The following TFPI variants were observed in gnomAD, a reference collection of about 807,000 sequenced individuals.
TFPI encodes tissue factor pathway inhibitor.
TFPI carries 15 observed loss-of-function variants against 34.6 expected under a neutral mutation model. The ratio of observed to expected loss-of-function variants is 0.43; its 90% CI spans 0.29 to 0.67. The LOEUF (loss-of-function observed/expected upper bound fraction) is 0.67. Among genes scored for constraint, TFPI ranks in the 30% least tolerant of loss-of-function variants. The pLI, the probability that TFPI is intolerant of heterozygous loss-of-function variation, is 0.15. For missense variants in TFPI, 301 were observed against 364.0 expected, an observed-to-expected ratio of 0.83 and a Z score of 1.41; for synonymous variants, 105 against 120.1, an observed-to-expected ratio of 0.87 and a Z score of 0.82.
In TFPI at chr2:187,466,030, C is replaced by G. The variant is rs1691705866; in HGVS notation, c.*906G>C. On this transcript the variant is annotated 3_prime_UTR_variant, in exon 8 of 8. Coordinates refer to ENST00000233156, the MANE Select transcript of TFPI (RefSeq NM_006287.6). ...TAATTTTCTCTTCAACAGAAATAAC[C>G]TACTTTTTAAAGCATGAATTATTAG... is the stretch of plus-strand genomic sequence containing the variant. The G allele has an allele frequency of 6.6e-6, 1 of 152,124 alleles. No individual in the cohort carries two copies. Among genetic ancestry groups the G allele is most frequent in the Non-Finnish European group, 1.5e-5 (1 of 68,002 alleles). 9.4% of individuals were successfully genotyped at this position (152,124 alleles called of 1,614,324 possible).
chr2:187,480,448 C>T (rs1367326809), intron 6 of TFPI, among the ~76,000 whole-genome samples: 1 of 152,112 alleles, frequency 6.6e-6, no homozygotes, highest in Non-Finnish European at 1.5e-5. Flanking sequence ...CCTCATTTTA[C>T]ATTGGAAAGA....
chr2:187,478,899 T>TG, intron 6 of TFPI: 3 of 928,368 alleles, frequency 3.2e-6, no homozygotes, highest in Non-Finnish European at 4.9e-6. Flanking sequence ...CTATAAACTG[T>TG]ATAGTACATT....
intron 3 of TFPI, among the ~76,000 whole-genome samples, chr2:187,496,469 T>C (rs1241648723): frequency 1.3e-5 from 2 of 152,098 alleles, no homozygotes; most frequent in Admixed American, 1.3e-4. Flanking sequence ...TACTTCACAA[T>C]TCTTTGAACA....
At chr2:187,522,122 T>C (rs1687410714) in intron 1 of TFPI, among the ~76,000 whole-genome samples, 1 of 152,160 alleles carries the variant, frequency 6.6e-6, no homozygotes, top group Non-Finnish European at 1.5e-5. Context: ...TTGGAAATTA[T>C]CAGATATATG....
chr2:187,532,100 C>T (rs1420013857), intron 1 of TFPI, among the ~76,000 whole-genome samples: 1 of 151,920 alleles, frequency 6.6e-6, no homozygotes, highest in Non-Finnish European at 1.5e-5. Context: ...ACAGAATAAC[C>T]ATCAATCTGC....
chr2:187,528,118 A>G (rs1687770299), intron 1 of TFPI, among the ~76,000 whole-genome samples: 1 of 152,118 alleles, frequency 6.6e-6, no homozygotes, highest in South Asian at 2.1e-4. Flanking sequence ...TTTCATTTAT[A>G]TTTATTATCA....
At chr2:187,513,340 T>A (rs993156070) in intron 1 of TFPI, among the ~76,000 whole-genome samples, 1 of 152,170 alleles carries the variant, frequency 6.6e-6, no homozygotes, top group Non-Finnish European at 1.5e-5. Context: ...TACCTTATGG[T>A]CCAACATTAA....
At chr2:187,545,223 C>T (rs750324910) in intron 1 of TFPI, among the ~76,000 whole-genome samples, 1 of 152,130 alleles carries the variant, frequency 6.6e-6, no homozygotes, top group African/African-American at 2.4e-5. Flanking sequence ...AAACTGTTCA[C>T]TGTATAGAAT....
At chr2:187,540,544 G>A (rs1688522777) in intron 1 of TFPI, among the ~76,000 whole-genome samples, 1 of 152,146 alleles carries the variant, frequency 6.6e-6, no homozygotes. Flanking sequence ...TTTTATAGAT[G>A]TAAGTCATAT....
chr2:187,551,119 A>G (rs1266868283), intron 1 of TFPI, among the ~76,000 whole-genome samples: 1 of 152,266 alleles, frequency 6.6e-6, no homozygotes, highest in East Asian at 1.9e-4. Context: ...TCTGATGTTG[A>G]AATAGCTTTC....
intron 6 of TFPI, chr2:187,483,902 A>T: frequency 2.0e-6 from 1 of 501,384 alleles, no homozygotes; most frequent in South Asian, 3.0e-5. Flanking sequence ...ACATAATCAA[A>T]AGCTTACTTC....
chr2:187,526,408 G>T (rs1687678693), intron 1 of TFPI, among the ~76,000 whole-genome samples: 1 of 151,684 alleles, frequency 6.6e-6, no homozygotes, highest in Non-Finnish European at 1.5e-5. Flanking sequence ...GTGGCCAGAA[G>T]AAAAAACCTC....
At position 187,543,388 on chromosome 2, in the gene TFPI, G is replaced by A. The variant is rs183039949; in HGVS notation, c.-3+10812C>T. The stretch of plus-strand genomic sequence containing the variant: ...AATTTGGGAATAATCCACATGATAC[G>A]AATTTGAAATGCTGTACACAAAAAT... On this transcript the variant is annotated intron_variant, in intron 1 of 7. Coordinates refer to ENST00000233156, the MANE Select transcript of TFPI (RefSeq NM_006287.6). Among the ~76,000 whole-genome samples the A allele has an allele frequency of 5.3e-5, 8 of 152,274 alleles. No individual in the cohort carries two copies. In the East Asian group the frequency reaches 9.7e-4, roughly 18 times the overall value.
intron 1 of TFPI, among the ~76,000 whole-genome samples, chr2:187,510,962 C>A (rs1019391410): frequency 6.6e-6 from 1 of 152,236 alleles, no homozygotes; most frequent in African/African-American, 2.4e-5. Flanking sequence ...TTTCTTGGTA[C>A]CCTGACCAGG....
intron 1 of TFPI, among the ~76,000 whole-genome samples, chr2:187,542,866 CAAAAAAAA>C (rs11393601): frequency 8.2e-6 from 1 of 121,754 alleles, no homozygotes; most frequent in African/African-American, 3.2e-5. Context: ...GACTTAGTCT[CAAAAAAAA>C]AAAAAAAAAA....
intron 6 of TFPI, among the ~76,000 whole-genome samples, chr2:187,473,349 C>T (rs1428025690): frequency 6.6e-6 from 1 of 151,912 alleles, no homozygotes; most frequent in Non-Finnish European, 1.5e-5. Flanking sequence ...TGAGCTTATT[C>T]TATATTGTTC....
At chr2:187,476,895 G>C (rs1045129826) in intron 6 of TFPI, among the ~76,000 whole-genome samples, 9 of 151,932 alleles carry the variant, frequency 5.9e-5, no homozygotes, top group Non-Finnish European at 5.9e-5. Context: ...GTATTAACTT[G>C]TAAACAATTT....
At position 187,531,311 on chromosome 2, in the gene TFPI, A is replaced by G. The variant is rs141284255; in HGVS notation, c.-3+22889T>C. Reference sequence around the variant, plus strand: ...TAATATACTCTATATTCTACCAAAGAATTCCAAATTGTGCTTTCAAGGTCT... The same window carrying G: ...TAATATACTCTATATTCTACCAAAGGATTCCAAATTGTGCTTTCAAGGTCT... On this transcript the variant is annotated intron_variant, in intron 1 of 7. Transcript: ENST00000233156. Among the ~76,000 whole-genome samples the G allele has an allele frequency of 3.9e-3, 593 of 152,294 alleles. 3 individuals carry two copies. The highest frequency in any genetic ancestry group is 0.014 in the African/African-American group (570 of 41,552).
intron 6 of TFPI, among the ~76,000 whole-genome samples, chr2:187,474,432 ATTT>A: frequency 6.6e-6 from 1 of 152,266 alleles, no homozygotes. Flanking sequence ...GGAAAATTAC[ATTT>A]AGGTCAAATT....
Sources: gnomAD v4.1 joint callset for allele counts (sites outside exome capture counted in the v4.1 genomes callset) on GRCh38, gnomAD v4.1.1 for gene constraint, MANE v1.5 for transcripts, NCBI Gene and HGNC (gene_info 2026-07-23, HGNC 2026-07-21) for gene names.